The following PRKN variants were observed in gnomAD, a reference collection of about 807,000 sequenced individuals.
PRKN encodes the protein E3 ubiquitin-protein ligase parkin.
In PRKN, 56 loss-of-function variants were observed where a neutral mutation model predicts 59.5. The ratio of observed to expected loss-of-function variants is 0.94; its 90% CI spans 0.76 to 1.18. The LOEUF (loss-of-function observed/expected upper bound fraction) is 1.18, where lower values mean the gene tolerates loss of function less well. Among genes scored for constraint, PRKN ranks in the 50% most tolerant of loss-of-function variants. The probability of loss-of-function intolerance (pLI) is 0.00; values close to 1 mark genes in which losing one functional copy is unlikely to be tolerated. For missense variants in PRKN, 657 were observed against 596.4 expected (o/e 1.10, Z -1.06); for synonymous variants, 250 against 222.1 (o/e 1.13, Z -1.12).
Position 161,419,894 on chromosome 6 carries a change from G to T in PRKN, c.1084-33017C>A, listed in dbSNP as rs1788011270. Among the ~76,000 whole-genome samples the T allele has an allele frequency of 6.6e-6, 1 of 151,982 alleles. No individual in the cohort carries two copies. The highest frequency in any genetic ancestry group is 2.1e-4 in the South Asian group (1 of 4,818). On this transcript the variant is annotated intron_variant, in intron 9 of 11. Coordinates refer to ENST00000366898, the MANE Select transcript of PRKN (RefSeq NM_004562.3). The surrounding 1 kb of genome is among the most constrained non-coding windows in gnomAD (Gnocchi z 4.1). ...ATTGCTGTAGAGATTCAAATACCGT[G>T]TTTAAGAAAGTTCCTAGCACTGCGC...
At chr6:162,010,592 A>ATATT (rs370039015) in intron 5 of PRKN, among the ~76,000 whole-genome samples, 1 of 2,866 alleles carries the variant, frequency 3.5e-4, no homozygotes. Context: ...TATTATATAT[A>ATATT]ATATAATATA....
intron 1 of PRKN, among the ~76,000 whole-genome samples, chr6:162,705,031 C>G (rs192160165): frequency 4.8e-3 from 725 of 152,084 alleles, no homozygotes; most frequent in Non-Finnish European, 6.9e-3. Context: ...TGTTCCTTTG[C>G]TTTTTTAAAA....
At chr6:162,612,001 C>T (rs371016805) in intron 1 of PRKN, among the ~76,000 whole-genome samples, 130 of 150,274 alleles carry the variant, frequency 8.7e-4, no homozygotes, top group East Asian at 3.0e-3. Flanking sequence ...CTGGCTAACA[C>T]GGTGAAACCC....
intron 6 of PRKN, among the ~76,000 whole-genome samples, chr6:161,809,930 T>C (rs1165183294): frequency 6.6e-6 from 1 of 152,232 alleles, no homozygotes; most frequent in East Asian, 1.9e-4. Context: ...TTAGGACGTG[T>C]TTTTAATAAT....
At chr6:162,138,044 T>G (rs1375901921) in intron 4 of PRKN, among the ~76,000 whole-genome samples, 1 of 152,010 alleles carries the variant, frequency 6.6e-6, no homozygotes, top group Non-Finnish European at 1.5e-5. Flanking sequence ...CTCGGTGAAC[T>G]GGGGAACCAC....
At chr6:162,041,554 G>A (rs1361199856) in intron 5 of PRKN, among the ~76,000 whole-genome samples, 2 of 152,166 alleles carry the variant, frequency 1.3e-5, no homozygotes, top group African/African-American at 4.8e-5. Context: ...AAGGGTTTAG[G>A]TTGTTACTGT....
chr6:161,454,698 A>G lies in PRKN; in HGVS notation c.1084-67821T>C, dbSNP rs1192014497. 6.6e-6 allele frequency among the ~76,000 whole-genome samples: 1 copy of G among 152,212 alleles called. No individual in the cohort carries two copies. Among genetic ancestry groups the G allele is most frequent in the East Asian group, 1.9e-4 (1 of 5,188 alleles). On this transcript the variant is annotated intron_variant, in intron 9 of 11. Coordinates refer to ENST00000366898, the MANE Select transcript of PRKN (RefSeq NM_004562.3). The surrounding 1 kb of genome is among the most constrained non-coding windows in gnomAD (Gnocchi z 4.6). ...GCACCAAAGCCAGTGTGAGAAATCCAGCCCACCATTAGGGCTACTGAAGTC... is the reference window on the plus strand; with the variant it reads ...GCACCAAAGCCAGTGTGAGAAATCCGGCCCACCATTAGGGCTACTGAAGTC...
intron 9 of PRKN, among the ~76,000 whole-genome samples, chr6:161,474,935 T>A (rs1365869997): frequency 5.5e-5 from 8 of 146,132 alleles, no homozygotes; most frequent in Non-Finnish European, 1.0e-4. Context: ...TGAGATGAAG[T>A]CTCTCTGTCA....
At chr6:162,311,956 T>A (rs568585248) in intron 2 of PRKN, among the ~76,000 whole-genome samples, 1 of 152,102 alleles carries the variant, frequency 6.6e-6, no homozygotes, top group South Asian at 2.1e-4. Flanking sequence ...ACAAAGCACA[T>A]AACCAAGACG....
At chr6:161,615,624 C>T (rs9347527) in intron 7 of PRKN, among the ~76,000 whole-genome samples, 29,331 of 152,236 alleles carry the variant, frequency 0.19, 3,506 homozygotes, top group East Asian at 0.54. Flanking sequence ...GCAACGTGGG[C>T]TGCCAGGACC....
At chr6:161,620,515 G>A (rs922601909) in intron 7 of PRKN, among the ~76,000 whole-genome samples, 1 of 152,148 alleles carries the variant, frequency 6.6e-6, no homozygotes, top group Admixed American at 6.5e-5. Flanking sequence ...GGTATCACAT[G>A]GAATGGAAGG....
At chr6:161,857,834 G>C (rs1473199626) in intron 6 of PRKN, among the ~76,000 whole-genome samples, 1 of 152,194 alleles carries the variant, frequency 6.6e-6, no homozygotes, top group Non-Finnish European at 1.5e-5. Context: ...GCTAAGGTGT[G>C]AGGTTGGAAA....
At chr6:162,131,646 A>G (rs1781361576) in intron 4 of PRKN, among the ~76,000 whole-genome samples, 2 of 152,290 alleles carry the variant, frequency 1.3e-5, no homozygotes, top group South Asian at 4.1e-4. Flanking sequence ...TGGAGGAGAA[A>G]ATGATTATTT....
intron 2 of PRKN, among the ~76,000 whole-genome samples, chr6:162,426,675 G>A (rs1253354804): frequency 6.6e-6 from 1 of 152,130 alleles, no homozygotes. Flanking sequence ...TTAAACTCCT[G>A]AGCTCAAGGG....
At chr6:161,810,933 A>C (rs1479625315) in intron 6 of PRKN, among the ~76,000 whole-genome samples, 2 of 152,120 alleles carry the variant, frequency 1.3e-5, no homozygotes, top group African/African-American at 4.8e-5. Flanking sequence ...CTATATCTTT[A>C]AGGATGGGCA....
intron 7 of PRKN, among the ~76,000 whole-genome samples, chr6:161,737,111 C>A (rs527427469): frequency 6.6e-6 from 1 of 152,286 alleles, no homozygotes; most frequent in Non-Finnish European, 1.5e-5. Context: ...TGTGTCAATT[C>A]TGCAAGAGCA....
At chr6:162,718,629 C>T (rs1030571403) in intron 1 of PRKN, among the ~76,000 whole-genome samples, 6 of 151,938 alleles carry the variant, frequency 3.9e-5, no homozygotes, top group Admixed American at 2.0e-4. Context: ...AGGAGAATGG[C>T]GTGAACCTGG....
At chr6:161,704,851 G>C (rs1012162168) in intron 7 of PRKN, among the ~76,000 whole-genome samples, 7 of 152,178 alleles carry the variant, frequency 4.6e-5, no homozygotes, top group Non-Finnish European at 1.0e-4. Flanking sequence ...CAGCTATAAA[G>C]AGGGTTGTTC....
At chr6:162,071,186 T>C (rs1562495232) in intron 4 of PRKN, among the ~76,000 whole-genome samples, 2 of 150,910 alleles carry the variant, frequency 1.3e-5, no homozygotes. Flanking sequence ...ACTGCCACCC[T>C]TAGGAAGGTG....
Sources: gnomAD v4.1 joint callset for allele counts (sites outside exome capture counted in the v4.1 genomes callset) on GRCh38, gnomAD v4.1.1 for gene constraint, Gnocchi (gnomAD v3.1) non-coding constraint, MANE v1.5 for transcripts, NCBI Gene and HGNC (gene_info 2026-07-23, HGNC 2026-07-21) for gene names.